Variants in ZNF879 observed in about 807,000 individuals in gnomAD.
The protein encoded by ZNF879 is zinc finger protein 879.
Under a neutral mutation model 44.3 loss-of-function variants are expected in ZNF879, and 32 were observed. The ratio of observed to expected loss-of-function variants is 0.72; its 90% CI spans 0.54 to 0.97. ZNF879 has a LOEUF of 0.97. Among genes scored for constraint, ZNF879 ranks in the 50% least tolerant of loss-of-function variants. ZNF879 has a pLI of 0.00. For missense variants in ZNF879, 621 were observed against 669.7 expected (o/e 0.93, Z 0.80); for synonymous variants, 234 against 233.2 (o/e 1.00, Z -0.03).
At chr5:179,025,333 A>T (rs1416764000) in intron 2 of ZNF879, among the ~76,000 whole-genome samples, 3 of 151,762 alleles carry the variant, frequency 2.0e-5, no homozygotes, top group Non-Finnish European at 4.4e-5. Context: ...GACTACAGGC[A>T]TGTGTGCCAC....
chr5:179,026,991 C>A (rs557610882), intron 2 of ZNF879, among the ~76,000 whole-genome samples: 2 of 152,342 alleles, frequency 1.3e-5, no homozygotes, highest in South Asian at 4.1e-4. Context: ...GGAACATTCT[C>A]ATAGCCTTCC....
At position 179,033,344 on chromosome 5, in the gene ZNF879, A is replaced by G. The variant is rs759955520; in HGVS notation, c.1396A>G (p.Ser466Gly). 8.3e-6 allele frequency: 13 copies of G among 1,567,734 alleles called. No individual in the cohort carries two copies. In the African/African-American group the frequency reaches 1.2e-4, roughly 15 times the overall value. The change falls in exon 5 of 5, where the codon AGT (serine) becomes GGT (glycine). Residue 466 changes from serine to glycine, a missense_variant. Physicochemically the swap from Ser to Gly is moderately conservative, Grantham distance 56. Coordinates refer to ENST00000444149, the MANE Select transcript of ZNF879 (RefSeq NM_001136116.3). The stretch of plus-strand genomic sequence containing the variant: ...TTGTAAGGAATGTGGAAAAGCCTTC[A>G]GTTCCCACTCAGGCGTTAATACTCA... ...YNCKECGKAFSSHSGVNTHRK... is the reference protein window; with the variant it reads ...YNCKECGKAFGSHSGVNTHRK...
At chr5:179,030,265 TTC>T (rs1467672822) in intron 4 of ZNF879, among the ~76,000 whole-genome samples, 1 of 152,208 alleles carries the variant, frequency 6.6e-6, no homozygotes, top group Admixed American at 6.5e-5. Context: ...CTGGTAGTCT[TTC>T]TGAGGATGGT....
chr5:179,034,977 G>A lies in ZNF879; in HGVS notation c.*1337G>A, dbSNP rs1303721167. The A allele has an allele frequency of 6.6e-6, 1 of 151,828 alleles. No individual in the cohort carries two copies. The highest frequency in any genetic ancestry group is 2.4e-5 in the African/African-American group (1 of 41,278). The allele number at this position is 151,828 out of a possible 1,614,324, so 9.4% of individuals were successfully genotyped here. A position where few individuals can be genotyped will look rare whatever the true frequency, so the allele number is the denominator to read the frequency against. On this transcript the variant is annotated 3_prime_UTR_variant, in exon 5 of 5. Coordinates refer to ENST00000444149, the MANE Select transcript of ZNF879 (RefSeq NM_001136116.3). ...CCCGGCACTTTGGGAGGCCAAGACG[G>A]GCAGATCATGAGGTCAGGAGATCGA...
At position 179,034,112 on chromosome 5, in the gene ZNF879, GT is replaced by G. The variant is rs1191407637; in HGVS notation, c.*478del. ...ATAGCTACCTCACTGTCACTAAAAT[GT>G]TTTTTAATAATCTTAAAGCAGATTC... On this transcript the variant is annotated 3_prime_UTR_variant, in exon 5 of 5. Coordinates refer to ENST00000444149, the MANE Select transcript of ZNF879 (RefSeq NM_001136116.3). 6.5e-6 allele frequency: 1 copy of G among 152,814 alleles called. No homozygotes were observed. The highest frequency in any genetic ancestry group is 2.4e-5 in the African/African-American group (1 of 41,476). 9.5% of individuals were successfully genotyped at this position (152,814 alleles called of 1,614,324 possible). A position where few individuals can be genotyped will look rare whatever the true frequency, so the allele number is the denominator to read the frequency against.
At position 179,025,422 on chromosome 5, in the gene ZNF879, T is replaced by G. The variant is rs561167720; in HGVS notation, c.33+385T>G. Among the ~76,000 whole-genome samples, 5 of 152,046 alleles carry G rather than the reference T, an allele frequency of 3.3e-5. No homozygotes were observed. In the South Asian group the frequency reaches 6.2e-4, roughly 19 times the overall value. The stretch of plus-strand genomic sequence containing the variant: ...CAAGGCTGGTCTTGAACTCCTGACC[T>G]CAAGCAATCTGCCCGCCTCAGCCTC... On this transcript the variant is annotated intron_variant, in intron 2 of 4. Transcript: ENST00000444149.
At position 179,032,643 on chromosome 5, in the gene ZNF879, A is replaced by G. The variant is rs1382171230; in HGVS notation, c.695A>G (p.Tyr232Cys). The change falls in exon 5 of 5, where the codon TAT becomes TGT. Residue 232 changes from tyrosine to cysteine, a missense_variant. Transcript: ENST00000444149. ...HQRIHTGEKL[Y>C]KCKECRKAFS... ...AGAATCCACACTGGAGAGAAGCTCT[A>G]TAAATGTAAGGAATGTAGGAAAGCC... is the stretch of plus-strand genomic sequence containing the variant. The G allele has an allele frequency of 1.3e-6, 2 of 1,569,704 alleles. No individual in the cohort carries two copies. Among genetic ancestry groups the G allele is most frequent in the South Asian group, 1.2e-5 (1 of 85,432 alleles).
At position 179,027,523 on chromosome 5, in the gene ZNF879, G is replaced by A. The variant is rs537159260; in HGVS notation, c.84G>A (p.Trp28Ter). ...CCGTGTTCTTCAGCCAGGACGAGTG[G>A]TTGCACCTGGACTCTGCCCAGAGAG... ...DVAVFFSQDE[W>*]LHLDSAQRAL... Residue 28 changes from tryptophan to a stop codon, truncating the protein, a stop_gained, in exon 3 of 5, where the codon TGG becomes TGA. Coordinates refer to ENST00000444149, the MANE Select transcript of ZNF879 (RefSeq NM_001136116.3). LOFTEE classifies it high-confidence loss of function. The A allele has an allele frequency of 2.5e-6, 4 of 1,614,164 alleles. No individual in the cohort carries two copies. The South Asian group carries it at 3.3e-5, about 13-fold the overall frequency.
intron 4 of ZNF879, among the ~76,000 whole-genome samples, chr5:179,030,239 G>A (rs769246582): frequency 1.3e-5 from 2 of 152,182 alleles, no homozygotes; most frequent in African/African-American, 4.8e-5. Flanking sequence ...AAGCAGTATC[G>A]TTAGTGGGAC....
Position 179,032,266 on chromosome 5 carries a change from A to G in ZNF879, c.318A>G (p.Lys106=). ...SKEENQEVMK[K]LIIDGTFDFK... ...AAGAAAATCAGGAAGTCATGAAAAAACTCATAATTGATGGCACATTTGACT... is the reference window on the plus strand; with the variant it reads ...AAGAAAATCAGGAAGTCATGAAAAAGCTCATAATTGATGGCACATTTGACT... Residue 106 remains lysine, a synonymous_variant, in exon 5 of 5, where the codon AAA becomes AAG. Coordinates refer to ENST00000444149, the MANE Select transcript of ZNF879 (RefSeq NM_001136116.3). 1 of 1,537,152 alleles carries G rather than the reference A, an allele frequency of 6.5e-7. No individual in the cohort carries two copies. The highest frequency in any genetic ancestry group is 2.4e-5 in the East Asian group (1 of 40,854).
intron 1 of ZNF879, chr5:179,024,720 A>G: frequency 2.2e-6 from 1 of 460,740 alleles, no homozygotes; most frequent in East Asian, 3.4e-5. Flanking sequence ...AAGGCACGGC[A>G]GATGGTCTTC....
intron 1 of ZNF879, 95 bp from the exon 2 acceptor site, chr5:179,024,875 G>A: frequency 1.0e-6 from 1 of 957,526 alleles, no homozygotes; most frequent in Non-Finnish European, 1.6e-6. Context: ...CTTCTCTGCA[G>A]GTGCTCAGCT....
At chr5:179,029,502 C>T (rs952304295) in intron 4 of ZNF879, among the ~76,000 whole-genome samples, 1 of 152,110 alleles carries the variant, frequency 6.6e-6, no homozygotes, top group Non-Finnish European at 1.5e-5. Flanking sequence ...GTAGTAAGGA[C>T]CAGAATGGTA....
At position 179,033,676 on chromosome 5, in the gene ZNF879, A is replaced by G. The variant is rs779033018; in HGVS notation, c.*36A>G. The G allele has an allele frequency of 1.1e-5, 15 of 1,400,530 alleles. No individual in the cohort carries two copies. The highest frequency in any genetic ancestry group is 1.2e-5 in the Non-Finnish European group (13 of 1,051,658). 86.8% of individuals were successfully genotyped at this position (1,400,530 alleles called of 1,614,324 possible). On this transcript the variant is annotated 3_prime_UTR_variant, in exon 5 of 5. Coordinates refer to ENST00000444149, the MANE Select transcript of ZNF879 (RefSeq NM_001136116.3). ...ATAAATGCATGTAGGAACTGAAGTTATATTCCATACTGAGTATCAAAAAAT... is the reference window on the plus strand; with the variant it reads ...ATAAATGCATGTAGGAACTGAAGTTGTATTCCATACTGAGTATCAAAAAAT...
At chr5:179,029,476 G>T (rs1761365298) in intron 4 of ZNF879, among the ~76,000 whole-genome samples, 1 of 152,108 alleles carries the variant, frequency 6.6e-6, no homozygotes, top group Non-Finnish European at 1.5e-5. Flanking sequence ...CAGACATCTA[G>T]AAAATAAATA....
At chr5:179,028,580 A>G (rs533417972) in intron 4 of ZNF879, among the ~76,000 whole-genome samples, 1 of 152,254 alleles carries the variant, frequency 6.6e-6, no homozygotes, top group African/African-American at 2.4e-5. Flanking sequence ...GGGGGAAAAA[A>G]GCAGATATAT....
intron 4 of ZNF879, 149 bp downstream of exon 4, chr5:179,028,276 A>G (rs2113055662): frequency 1.4e-6 from 1 of 695,774 alleles, no homozygotes; most frequent in East Asian, 2.8e-5. Context: ...TACTTGATCC[A>G]TCATGTTCAG....
intron 4 of ZNF879, among the ~76,000 whole-genome samples, chr5:179,029,026 T>C (rs1032742831): frequency 1.3e-5 from 2 of 152,240 alleles, no homozygotes; most frequent in Admixed American, 6.5e-5. Context: ...GTGCAATATC[T>C]GTACGTGTCA....
rs1187647418 is a variant in ZNF879, at chr5:179,033,449, C to G, written c.1501C>G (p.Gln501Glu). The change falls in exon 5 of 5, where the codon CAG becomes GAG. Residue 501 changes from glutamine (Q) to glutamate (E), a missense_variant. By Grantham distance (29) the Gln-to-Glu change is conservative. Transcript: ENST00000444149. Reference sequence around the variant, plus strand: ...CTTCAACCAAAGCTCAGCTCTAATTCAGCACCAGAGAATTCATACTGGAGA... The same window carrying G: ...CTTCAACCAAAGCTCAGCTCTAATTGAGCACCAGAGAATTCATACTGGAGA... ...KAFNQSSALI[Q>E]HQRIHTGEKP... 1 of 1,564,910 alleles carries G rather than the reference C, an allele frequency of 6.4e-7. No homozygotes were observed. The highest frequency in any genetic ancestry group is 8.7e-7 in the Non-Finnish European group (1 of 1,154,828).
Sources: allele counts gnomAD v4.1 joint callset (sites outside exome capture counted in the v4.1 genomes callset), GRCh38; gene constraint gnomAD v4.1.1; transcripts MANE v1.5; gene names NCBI Gene and HGNC (gene_info 2026-07-23, HGNC 2026-07-21).